Variants in ADK observed in about 807,000 individuals in gnomAD.
The protein encoded by ADK is N6,N6-dimethyladenosine kinase.
A neutral mutation model predicts 44.7 loss-of-function variants in ADK; 24 were observed. That is an observed-to-expected ratio of 0.54 (90% CI 0.39 to 0.76). The LOEUF is 0.76. Ranked by LOEUF, ADK falls within the 30% of genes least tolerant of loss-of-function variation. The pLI, the probability that ADK is intolerant of heterozygous loss-of-function variation, is 0.00. For synonymous variants in ADK, 128 were observed against 142.6 expected, an observed-to-expected ratio of 0.90 and a Z score of 0.73; for missense variants, 321 against 425.1, an observed-to-expected ratio of 0.76 and a Z score of 2.15.
intron 2 of ADK, among the ~76,000 whole-genome samples, chr10:74,211,565 A>G (rs1196982201): frequency 2.0e-5 from 3 of 152,204 alleles, no homozygotes; most frequent in African/African-American, 4.8e-5. Flanking sequence ...GACCATGTAG[A>G]AGTCAATAAA....
At chr10:74,280,816 CA>C (rs1846906934) in intron 3 of ADK, among the ~76,000 whole-genome samples, 1 of 152,134 alleles carries the variant, frequency 6.6e-6, no homozygotes, top group African/African-American at 2.4e-5. Flanking sequence ...CAGGAGGAAT[CA>C]GAAGTTCATG....
chr10:74,679,677 A>G (rs1855528175), intron 10 of ADK, among the ~76,000 whole-genome samples: 1 of 152,072 alleles, frequency 6.6e-6, no homozygotes, highest in Admixed American at 6.6e-5. Flanking sequence ...GAAGATGAGT[A>G]TAGGCCAGGC....
chr10:74,322,818 T>G (rs1415455136), intron 4 of ADK, among the ~76,000 whole-genome samples: 3 of 151,290 alleles, frequency 2.0e-5, no homozygotes, highest in Admixed American at 6.6e-5. Context: ...CTTTCCCTTC[T>G]CCTCCTACCC....
chr10:74,229,401 T>TG (rs1315064702), intron 3 of ADK, among the ~76,000 whole-genome samples: 1 of 147,358 alleles, frequency 6.8e-6, no homozygotes, highest in Non-Finnish European at 1.5e-5. Context: ...CTTTTTTTTT[T>TG]TTTTTTTTTT....
chr10:74,562,908 ATT>A (rs111527942), intron 7 of ADK, among the ~76,000 whole-genome samples: 3 of 150,780 alleles, frequency 2.0e-5, no homozygotes, highest in African/African-American at 7.3e-5. Flanking sequence ...AACAAATACC[ATT>A]TTTTTTCTTT....
chr10:74,468,102 T>C (rs1446641304), intron 6 of ADK, among the ~76,000 whole-genome samples: 1 of 152,180 alleles, frequency 6.6e-6, no homozygotes, highest in African/African-American at 2.4e-5. Context: ...AGGTGAGCAA[T>C]GATTCTGACT....
At chr10:74,505,348 A>T (rs1848027308) in intron 6 of ADK, among the ~76,000 whole-genome samples, 1 of 151,992 alleles carries the variant, frequency 6.6e-6, no homozygotes, top group Non-Finnish European at 1.5e-5. Context: ...GTCTAATATG[A>T]ATTTGTTTCT....
chr10:74,343,088 A>T (rs1247732534), intron 4 of ADK, among the ~76,000 whole-genome samples: 1 of 152,104 alleles, frequency 6.6e-6, no homozygotes, highest in Non-Finnish European at 1.5e-5. Flanking sequence ...CTAATCATTC[A>T]CCATTAAGTT....
At chr10:74,579,631 A>C (rs1365849399) in intron 7 of ADK, among the ~76,000 whole-genome samples, 1 of 152,220 alleles carries the variant, frequency 6.6e-6, no homozygotes, top group Admixed American at 6.5e-5. Context: ...CAAAACAGAA[A>C]GAACCCAGTG....
At chr10:74,348,142 A>C (rs1841839402) in intron 4 of ADK, among the ~76,000 whole-genome samples, 1 of 152,124 alleles carries the variant, frequency 6.6e-6, no homozygotes, top group African/African-American at 2.4e-5. Flanking sequence ...TCACTGGGAG[A>C]GAACTGCCAA....
chr10:74,637,415 T>G (rs1375713765), intron 9 of ADK, among the ~76,000 whole-genome samples: 1 of 152,216 alleles, frequency 6.6e-6, no homozygotes, highest in African/African-American at 2.4e-5. Context: ...AAAAACAGAA[T>G]TGCAGAATTG....
intron 3 of ADK, among the ~76,000 whole-genome samples, chr10:74,283,722 C>T (rs1212889116): frequency 6.8e-6 from 1 of 147,208 alleles, no homozygotes; most frequent in African/African-American, 2.5e-5. Context: ...TCGCTCTTGC[C>T]CAGGCTGGAG....
intron 3 of ADK, among the ~76,000 whole-genome samples, chr10:74,231,742 A>G (rs143702179): frequency 6.6e-6 from 1 of 152,324 alleles, no homozygotes; most frequent in African/African-American, 2.4e-5. Flanking sequence ...CTGGGATTAC[A>G]GGTGTGAGCC....
At chr10:74,398,722 T>G (rs1283077913) in intron 6 of ADK, 143 bp downstream of exon 6, 6 of 506,080 alleles carry the variant, frequency 1.2e-5, no homozygotes, top group Non-Finnish European at 1.7e-5. Context: ...AGATTCACTA[T>G]TGTGAAAATA....
At chr10:74,564,781 A>G (rs1850590873) in intron 7 of ADK, among the ~76,000 whole-genome samples, 1 of 152,080 alleles carries the variant, frequency 6.6e-6, no homozygotes, top group East Asian at 1.9e-4. Flanking sequence ...AATATAAGTC[A>G]TTTTGGGGGT....
At chr10:74,456,954 A>G (rs1845971747) in intron 6 of ADK, among the ~76,000 whole-genome samples, 1 of 152,160 alleles carries the variant, frequency 6.6e-6, no homozygotes, top group South Asian at 2.1e-4. Context: ...TTCAAAAGCT[A>G]GCAGAAGACA....
chr10:74,551,158 A>G (rs1391689016), intron 7 of ADK, among the ~76,000 whole-genome samples: 1 of 152,240 alleles, frequency 6.6e-6, no homozygotes, highest in Non-Finnish European at 1.5e-5. Context: ...GTTACAGCAA[A>G]GATGCCACTG....
chr10:74,506,360 T>C (rs1349653185), intron 6 of ADK: 2 of 253,852 alleles, frequency 7.9e-6, no homozygotes, highest in Admixed American at 9.2e-5. Flanking sequence ...CTTTTTTTTG[T>C]AATGATTTTT....
chr10:74,569,795 A>G (rs190934230), intron 7 of ADK, among the ~76,000 whole-genome samples: 92 of 152,244 alleles, frequency 6.0e-4, no homozygotes, highest in African/African-American at 1.6e-3. Flanking sequence ...CCATTTGTCA[A>G]TTTTGACTTT....
Sources: gnomAD v4.1 joint callset for allele counts (sites outside exome capture counted in the v4.1 genomes callset) on GRCh38, gnomAD v4.1.1 for gene constraint, MANE v1.5 for transcripts, NCBI Gene and HGNC (gene_info 2026-07-23, HGNC 2026-07-21) for gene names.